Variants in DPY19L2 observed in about 807,000 individuals in gnomAD.
The protein encoded by DPY19L2 is dpy-19 like 2, also known as probable C-mannosyltransferase DPY19L2.
In DPY19L2, 34 loss-of-function variants were observed where a neutral mutation model predicts 97.9. The ratio of observed to expected loss-of-function variants is 0.35; its 90% confidence interval spans 0.26 to 0.46. DPY19L2 has a LOEUF of 0.46. Ranked by LOEUF, DPY19L2 falls within the 20% of genes least tolerant of loss-of-function variation. The pLI, the probability that DPY19L2 is intolerant of heterozygous loss-of-function variation, is 1.00. For synonymous variants in DPY19L2, 230 were observed against 307.9 expected (o/e 0.75, Z 2.65); for missense variants, 623 against 911.4 (o/e 0.68, Z 4.07).
intron 6 of DPY19L2, among the ~76,000 whole-genome samples, chr12:63,636,104 A>AGG (rs140807061): frequency 0.015 from 2,347 of 151,874 alleles, 25 homozygotes; most frequent in Non-Finnish European, 0.021. Flanking sequence ...ACAAGCCAGA[A>AGG]GGGGGGGCGG....
At chr12:63,613,482 G>A (rs1887346175) in intron 11 of DPY19L2, among the ~76,000 whole-genome samples, 1 of 152,048 alleles carries the variant, frequency 6.6e-6, no homozygotes, top group Admixed American at 6.5e-5. Flanking sequence ...GGGCTTCTCT[G>A]AAAAATCCTA....
At position 63,660,865 on chromosome 12, in the gene DPY19L2, T is replaced by C. The variant is rs1895587344; in HGVS notation, c.588+479A>G. The C allele has an allele frequency of 2.0e-5, 3 of 152,200 alleles. No individual in the cohort carries two copies. The South Asian group carries it at 6.2e-4, about 32-fold the overall frequency. 9.4% of individuals were successfully genotyped at this position (152,200 alleles called of 1,614,324 possible). ...CCGTTTTTCAAATTTCTAGCATTTATAGACTACTATAACAACCATACTCTT... is the reference window on the plus strand; with the variant it reads ...CCGTTTTTCAAATTTCTAGCATTTACAGACTACTATAACAACCATACTCTT... On this transcript the variant is annotated intron_variant, in intron 4 of 21. Transcript: ENST00000324472.
chr12:63,562,921 G>A (rs1348255248), intron 21 of DPY19L2, among the ~76,000 whole-genome samples: 1 of 151,410 alleles, frequency 6.6e-6, no homozygotes. Flanking sequence ...TCAGCCTCCC[G>A]AGTAGCTGGG....
chr12:63,605,556 G>A (rs145968585), intron 12 of DPY19L2, among the ~76,000 whole-genome samples: 1,816 of 152,240 alleles, frequency 0.012, 46 homozygotes, highest in African/African-American at 0.041. Flanking sequence ...TGCAGTGAAA[G>A]GGCCTAGAAA....
chr12:63,602,262 T>C (rs1286732340), intron 12 of DPY19L2, among the ~76,000 whole-genome samples: 2 of 151,598 alleles, frequency 1.3e-5, no homozygotes, highest in African/African-American at 2.4e-5. Context: ...AAAAGGAGAA[T>C]ACTATCAAAA....
chr12:63,652,489 A>T (rs1273219072), intron 4 of DPY19L2, among the ~76,000 whole-genome samples: 1 of 152,212 alleles, frequency 6.6e-6, no homozygotes, highest in East Asian at 1.9e-4. Context: ...TCACTGCAGC[A>T]CTACTCACAA....
intron 16 of DPY19L2, among the ~76,000 whole-genome samples, chr12:63,593,104 C>CA (rs1161137563): frequency 4.6e-5 from 7 of 151,918 alleles, no homozygotes; most frequent in African/African-American, 1.5e-4. Flanking sequence ...CATCTCACAC[C>CA]AGTTAGAATG....
intron 18 of DPY19L2, among the ~76,000 whole-genome samples, chr12:63,581,224 C>A (rs986300924): frequency 3.9e-5 from 6 of 152,062 alleles, no homozygotes; most frequent in African/African-American, 1.4e-4. Flanking sequence ...ATAGATTCTT[C>A]TCAGGAAAAC....
intron 21 of DPY19L2, among the ~76,000 whole-genome samples, chr12:63,563,229 T>C (rs934935989): frequency 2.2e-4 from 34 of 152,274 alleles, no homozygotes; most frequent in African/African-American, 8.2e-4. Flanking sequence ...ATCTTTTAAT[T>C]CTTCCTAACA....
Position 63,580,688 on chromosome 12 carries a change from T to C in DPY19L2, c.1874A>G (p.Gln625Arg). Residue 625 changes from glutamine (Q) to arginine (R), a missense_variant, in exon 19 of 22, where the codon CAG becomes CGG. Around this residue, in one of 6 missense-constraint regions of DPY19L2, gnomAD observed 294 missense variants for 446.2 expected, o/e 0.66. Transcript: ENST00000324472. ...FNNLPQEELL[Q>R]WIKYSTTSDA... Reference sequence around the variant, plus strand: ...TGATGTGGTACTGTATTTGATCCACTGTAAAAGTTCTTCCTGAGGCAAATT... The same window carrying C: ...TGATGTGGTACTGTATTTGATCCACCGTAAAAGTTCTTCCTGAGGCAAATT... The C allele has an allele frequency of 6.2e-7, 1 of 1,613,058 alleles. No homozygotes were observed. Among genetic ancestry groups the C allele is most frequent in the Non-Finnish European group, 8.5e-7 (1 of 1,179,480 alleles).
intron 1 of DPY19L2, chr12:63,666,345 C>T (rs1668768908): frequency 4.0e-6 from 1 of 248,032 alleles, no homozygotes; most frequent in Non-Finnish European, 7.9e-6. Flanking sequence ...CAATGTGCAG[C>T]TCAACCCTTG....
chr12:63,654,651 C>G (rs1592745041), intron 4 of DPY19L2, among the ~76,000 whole-genome samples: 1 of 152,126 alleles, frequency 6.6e-6, no homozygotes, highest in Non-Finnish European at 1.5e-5. Context: ...ATTTATCATA[C>G]ACACAGTAAT....
Position 63,641,075 on chromosome 12 carries a change from G to C in DPY19L2, c.803+3328C>G, listed in dbSNP as rs185225884. Among the ~76,000 whole-genome samples the C allele has an allele frequency of 4.2e-3, 639 of 151,996 alleles. 10 individuals carry two copies. Among genetic ancestry groups the C allele is most frequent in the African/African-American group, 0.015 (604 of 41,452 alleles). On this transcript the variant is annotated intron_variant, in intron 6 of 21. Coordinates refer to ENST00000324472, the MANE Select transcript of DPY19L2 (RefSeq NM_173812.5). ...GCCCGGCTAATTTTTTGTTGTTGTT[G>C]TTGTATTTTTAGTAGAGACAGGGCT...
Position 63,561,135 on chromosome 12 carries a change from C to A in DPY19L2, c.2127-473G>T, listed in dbSNP as rs556716586. 1.6e-4 allele frequency among the ~76,000 whole-genome samples: 25 copies of A among 152,218 alleles called. 1 individual carries two copies. In the South Asian group the frequency reaches 5.0e-3, roughly 30 times the overall value. On this transcript the variant is annotated intron_variant, in intron 21 of 21. Coordinates refer to ENST00000324472, the MANE Select transcript of DPY19L2 (RefSeq NM_173812.5). ...GACTCTTACAGCAATTTGTTTTCTT[C>A]AATGCTTTCCCATTTTGGGTGGCTC...
Position 63,661,611 on chromosome 12 carries a change from G to A in DPY19L2, c.451-130C>T, listed in dbSNP as rs145348338. 1.0e-3 allele frequency: 664 copies of A among 660,052 alleles called. 4 individuals are homozygous for A. The highest frequency in any genetic ancestry group is 9.1e-3 in the African/African-American group (459 of 50,688). The allele number at this position is 660,052 out of a possible 1,614,324, so 40.9% of individuals were successfully genotyped here. On this transcript the variant is annotated intron_variant, in intron 3 of 21. Coordinates refer to ENST00000324472, the MANE Select transcript of DPY19L2 (RefSeq NM_173812.5). ...TAATAAGACTTCCTAATCACTTCTCGCTATTTTGCATTCTTGGTTTTTAAA... is the reference window on the plus strand; with the variant it reads ...TAATAAGACTTCCTAATCACTTCTCACTATTTTGCATTCTTGGTTTTTAAA...
At chr12:63,603,566 C>G (rs1222262150) in intron 12 of DPY19L2, among the ~76,000 whole-genome samples, 6 of 152,152 alleles carry the variant, frequency 3.9e-5, no homozygotes, top group Non-Finnish European at 8.8e-5. Flanking sequence ...GTTCCCCTCC[C>G]TGGGTCCATG....
At chr12:63,588,899 G>A (rs1218073465) in intron 16 of DPY19L2, among the ~76,000 whole-genome samples, 3 of 151,678 alleles carry the variant, frequency 2.0e-5, no homozygotes, top group Admixed American at 6.6e-5. Context: ...GACTACAGGC[G>A]CCCACCACGA....
intron 16 of DPY19L2, among the ~76,000 whole-genome samples, chr12:63,586,516 A>C (rs1881820677): frequency 6.6e-6 from 1 of 152,194 alleles, no homozygotes; most frequent in Non-Finnish European, 1.5e-5. Flanking sequence ...TCAGCGCTGA[A>C]GCAAGCAGGT....
chr12:63,645,086 A>ATGTG (rs56147827), intron 5 of DPY19L2, among the ~76,000 whole-genome samples: 1 of 150,468 alleles, frequency 6.6e-6, no homozygotes, highest in Non-Finnish European at 1.5e-5. Context: ...ATAGAAGATC[A>ATGTG]TGTGTGTGTG....
Sources: gnomAD v4.1 joint callset for allele counts (sites outside exome capture counted in the v4.1 genomes callset) on GRCh38, gnomAD v4.1.1 for gene constraint, gnomAD v4.1.1 regional missense constraint, MANE v1.5 for transcripts, NCBI Gene and HGNC (gene_info 2026-07-23, HGNC 2026-07-21) for gene names.